DSCAM: variants seen among roughly 807,000 people sequenced by gnomAD.
DSCAM encodes the protein DS cell adhesion molecule.
Under a neutral mutation model 217.7 loss-of-function variants are expected in DSCAM, and 47 were observed. That is an observed-to-expected ratio of 0.22 (90% CI 0.17 to 0.28). The LOEUF is 0.28. Ranked by LOEUF, DSCAM falls within the 10% of genes least tolerant of loss-of-function variation. The pLI is 1.00. For missense variants in DSCAM, 2,080 were observed against 2,618.3 expected (o/e 0.79, Z 4.49); for synonymous variants, 1,056 against 1,015.3 (o/e 1.04, Z -0.76).
chr21:40,217,048 C>T (rs566464346), intron 11 of DSCAM, among the ~76,000 whole-genome samples: 2 of 152,188 alleles, frequency 1.3e-5, no homozygotes, highest in Non-Finnish European at 2.9e-5. Flanking sequence ...CTCTAAAACA[C>T]AACCTGGCTT....
intron 16 of DSCAM, among the ~76,000 whole-genome samples, chr21:40,147,974 A>G (rs1366136453): frequency 6.6e-6 from 1 of 152,168 alleles, no homozygotes; most frequent in Non-Finnish European, 1.5e-5. Context: ...GTAGATGACC[A>G]TCTTATTTTT....
intron 3 of DSCAM, among the ~76,000 whole-genome samples, chr21:40,653,528 C>G (rs989936): frequency 0.87 from 131,790 of 152,078 alleles, 57,202 homozygotes; most frequent in East Asian, 0.95. Flanking sequence ...AACTTGGTAG[C>G]TGCAGATGCC....
intron 29 of DSCAM, among the ~76,000 whole-genome samples, chr21:40,054,425 A>G (rs537050012): frequency 6.6e-6 from 1 of 152,300 alleles, no homozygotes; most frequent in Admixed American, 6.5e-5. Context: ...TTAGGTCAAG[A>G]TGTCTCCAGT....
chr21:40,026,230 TGA>T (rs1568896119), intron 32 of DSCAM, among the ~76,000 whole-genome samples: 3 of 141,518 alleles, frequency 2.1e-5, no homozygotes, highest in Non-Finnish European at 3.2e-5. Flanking sequence ...ACCTGTGGTC[TGA>T]GAGACAGTTT....
intron 16 of DSCAM, among the ~76,000 whole-genome samples, chr21:40,150,537 G>A (rs954030549): frequency 6.6e-6 from 1 of 152,178 alleles, no homozygotes; most frequent in African/African-American, 2.4e-5. Context: ...TATATTAAGT[G>A]TAAGAAATGT....
intron 3 of DSCAM, among the ~76,000 whole-genome samples, chr21:40,493,827 C>G (rs1424437685): frequency 1.4e-5 from 2 of 144,886 alleles, no homozygotes; most frequent in Non-Finnish European, 3.0e-5. Flanking sequence ...CGTGCCATTG[C>G]ACTCCAGCTT....
Position 40,178,998 on chromosome 21 carries a change from C to A in DSCAM, c.2876G>T (p.Arg959Leu). The change falls in exon 15 of 33, where the codon CGC (arginine) becomes CTC (leucine). Residue 959 changes from arginine to leucine, a missense_variant. Coordinates refer to ENST00000400454, the MANE Select transcript of DSCAM (RefSeq NM_001389.5). ...DIHPSSTYSI[R>L]MYAKNRIGKS... The stretch of plus-strand genomic sequence containing the variant: ...GCCAATCCGGTTCTTGGCGTACATG[C>A]GGATGCTGTAGGTGGAGGAAGGGTG... 6 of 1,613,894 alleles carry A rather than the reference C, an allele frequency of 3.7e-6. No individual in the cohort carries two copies. Among genetic ancestry groups the A allele is most frequent in the Non-Finnish European group, 5.1e-6 (6 of 1,179,986 alleles).
intron 3 of DSCAM, among the ~76,000 whole-genome samples, chr21:40,513,856 TAACAAC>T (rs781364857): frequency 6.6e-6 from 1 of 151,902 alleles, no homozygotes; most frequent in Non-Finnish European, 1.5e-5. Context: ...AAACTGTATG[TAACAAC>T]AACAACAACA....
chr21:40,599,159 C>T (rs767742540), intron 3 of DSCAM, among the ~76,000 whole-genome samples: 11 of 152,084 alleles, frequency 7.2e-5, no homozygotes, highest in East Asian at 1.9e-4. Flanking sequence ...TGTCTTTTAA[C>T]GTTCTCAATT....
chr21:40,334,529 T>C (rs2074409334), intron 8 of DSCAM, among the ~76,000 whole-genome samples: 1 of 152,140 alleles, frequency 6.6e-6, no homozygotes, highest in African/African-American at 2.4e-5. Context: ...GCTCTCCCCC[T>C]GGTCCAAGCC....
At chr21:40,693,603 G>T (rs1252405232) in intron 2 of DSCAM, among the ~76,000 whole-genome samples, 1 of 151,956 alleles carries the variant, frequency 6.6e-6, no homozygotes. Flanking sequence ...TTTTCTGACT[G>T]CAAAAAATGA....
At chr21:40,068,161 G>A (rs73221361) in intron 27 of DSCAM, among the ~76,000 whole-genome samples, 10,419 of 152,174 alleles carry the variant, frequency 0.068, 478 homozygotes, top group East Asian at 0.1. Context: ...AATTTCAAAA[G>A]ACAACATTTG....
chr21:40,572,449 A>G (rs1488023943), intron 3 of DSCAM, among the ~76,000 whole-genome samples: 2 of 152,216 alleles, frequency 1.3e-5, no homozygotes, highest in Non-Finnish European at 2.9e-5. Flanking sequence ...TACATTAAAT[A>G]TAAATGAAAT....
At chr21:40,458,256 C>T (rs1430965940) in intron 3 of DSCAM, among the ~76,000 whole-genome samples, 2 of 151,858 alleles carry the variant, frequency 1.3e-5, no homozygotes, top group African/African-American at 4.8e-5. Flanking sequence ...TGAAGACATG[C>T]TAGGTCACAA....
At position 40,563,792 on chromosome 21, in the gene DSCAM, TTATA is replaced by T. The variant is rs1270797732; in HGVS notation, c.508+129014_508+129017del. ...TATGTTTATATATATGTTTATATGT[TTATA>T]TATAGTTATATGTGTATATATAGTT... On this transcript the variant is annotated intron_variant, in intron 3 of 32. Transcript: ENST00000400454. Among the ~76,000 whole-genome samples the T allele has an allele frequency of 1.1e-4, 17 of 148,330 alleles. No individual in the cohort carries two copies. In the South Asian group the frequency reaches 2.1e-3, roughly 18 times the overall value.
intron 3 of DSCAM, among the ~76,000 whole-genome samples, chr21:40,483,822 G>A (rs2076002934): frequency 1.3e-5 from 2 of 152,156 alleles, no homozygotes; most frequent in Non-Finnish European, 2.9e-5. Flanking sequence ...TGTCTTTTGT[G>A]TGTTCCTAAA....
chr21:40,727,503 CAT>C (rs2090968830), intron 1 of DSCAM, among the ~76,000 whole-genome samples: 1 of 152,166 alleles, frequency 6.6e-6, no homozygotes, highest in South Asian at 2.1e-4. Context: ...CCAACCCAAA[CAT>C]GTGGGTGCTT....
At chr21:40,381,077 A>G (rs905775795) in intron 3 of DSCAM, among the ~76,000 whole-genome samples, 2 of 138,492 alleles carry the variant, frequency 1.4e-5, no homozygotes, top group African/African-American at 5.9e-5. Context: ...AAAAAAAAAA[A>G]AAAAAAAGAA....
intron 30 of DSCAM, among the ~76,000 whole-genome samples, chr21:40,044,749 C>A (rs2146482698): frequency 1.3e-5 from 2 of 152,204 alleles, no homozygotes; most frequent in Middle Eastern, 6.8e-3. Flanking sequence ...GATGATAGTA[C>A]AAAAAATAAT....
Sources: gnomAD v4.1 joint callset for allele counts (sites outside exome capture counted in the v4.1 genomes callset) on GRCh38, gnomAD v4.1.1 for gene constraint, MANE v1.5 for transcripts, NCBI Gene and HGNC (gene_info 2026-07-23, HGNC 2026-07-21) for gene names.